The following WWOX variants were observed in gnomAD, a reference collection of about 807,000 sequenced individuals.
WWOX encodes the protein WW domain-containing oxidoreductase.
In WWOX, 69 loss-of-function variants were observed where a neutral mutation model predicts 46.2. The observed-to-expected ratio is 1.49, with a 90% CI of 1.23 to 1.82. WWOX has a LOEUF of 1.82. Ranked by LOEUF, WWOX falls within the 40% of genes most tolerant of loss-of-function variation. The pLI is 0.00. For missense variants in WWOX, 919 were observed against 542.6 expected, an observed-to-expected ratio of 1.69 and a Z score of -6.89; for synonymous variants, 359 against 202.6, an observed-to-expected ratio of 1.77 and a Z score of -6.56.
chr16:78,688,857 A>G (rs966875869), intron 8 of WWOX, among the ~76,000 whole-genome samples: 1 of 152,134 alleles, frequency 6.6e-6, no homozygotes, highest in Non-Finnish European at 1.5e-5. Flanking sequence ...AGTTACCCCC[A>G]TGATGTTTTC....
intron 8 of WWOX, among the ~76,000 whole-genome samples, chr16:78,473,744 T>G (rs1424269105): frequency 6.6e-6 from 1 of 152,146 alleles, no homozygotes; most frequent in Non-Finnish European, 1.5e-5. Flanking sequence ...CTTTGCAAGG[T>G]AAGCTGTCAG....
chr16:79,174,555 G>A (rs551812822), intron 8 of WWOX, among the ~76,000 whole-genome samples: 12 of 152,320 alleles, frequency 7.9e-5, no homozygotes, highest in African/African-American at 2.9e-4. Context: ...GCCTGAGGCA[G>A]GAAAATCACT....
intron 5 of WWOX, among the ~76,000 whole-genome samples, chr16:78,295,493 C>T (rs1336250269): frequency 6.6e-6 from 1 of 152,162 alleles, no homozygotes; most frequent in Admixed American, 6.5e-5. Flanking sequence ...GGGTGGATCA[C>T]CTGAAGTCAG....
chr16:78,653,218 T>G (rs959650655), intron 8 of WWOX, among the ~76,000 whole-genome samples: 5 of 152,226 alleles, frequency 3.3e-5, no homozygotes, highest in African/African-American at 9.6e-5. Flanking sequence ...ACTAGTAATT[T>G]CCTAAGATTA....
intron 5 of WWOX, among the ~76,000 whole-genome samples, chr16:78,214,189 G>C (rs1260816729): frequency 3.3e-5 from 5 of 152,134 alleles, no homozygotes; most frequent in Non-Finnish European, 5.9e-5. Context: ...CTATCTCCCT[G>C]TCAGTGCTTT....
At chr16:78,245,768 C>G (rs1048684066) in intron 5 of WWOX, among the ~76,000 whole-genome samples, 1 of 152,182 alleles carries the variant, frequency 6.6e-6, no homozygotes, top group East Asian at 1.9e-4. Flanking sequence ...TAAGTTAGTT[C>G]TTGCGGTACA....
rs184631264 is a variant in WWOX, at chr16:78,532,830, C to A, written c.1056+100078C>A. Among the ~76,000 whole-genome samples, 1,514 of 152,254 alleles carry A rather than the reference C, an allele frequency of 9.9e-3. 14 individuals carry two copies. Among genetic ancestry groups the A allele is most frequent in the Non-Finnish European group, 0.015 (1,033 of 68,028 alleles). On this transcript the variant is annotated intron_variant, in intron 8 of 8. Coordinates refer to ENST00000566780, the MANE Select transcript of WWOX (RefSeq NM_016373.4). Reference sequence around the variant, plus strand: ...ATGATTCAGTTACCTCCCACCTGGTCCCTCCTGCAACATGTGGGAATTCAA... The same window carrying A: ...ATGATTCAGTTACCTCCCACCTGGTACCTCCTGCAACATGTGGGAATTCAA...
intron 8 of WWOX, among the ~76,000 whole-genome samples, chr16:78,911,143 G>A (rs902306826): frequency 6.6e-6 from 1 of 151,902 alleles, no homozygotes; most frequent in Non-Finnish European, 1.5e-5. Flanking sequence ...TGTCTTCCTA[G>A]GCCCTTGTCA....
intron 8 of WWOX, among the ~76,000 whole-genome samples, chr16:78,677,810 C>T (rs13338652): frequency 6.6e-6 from 1 of 152,178 alleles, no homozygotes; most frequent in South Asian, 2.1e-4. Context: ...TCAGTGACAT[C>T]ACATTGTATT....
At chr16:78,840,022 T>C (rs2052096123) in intron 8 of WWOX, among the ~76,000 whole-genome samples, 1 of 152,174 alleles carries the variant, frequency 6.6e-6, no homozygotes, top group Admixed American at 6.5e-5. Context: ...TCTTCGTCTT[T>C]GAGTAGAGTT....
At chr16:78,244,056 G>C (rs527839430) in intron 5 of WWOX, among the ~76,000 whole-genome samples, 24 of 152,306 alleles carry the variant, frequency 1.6e-4, no homozygotes, top group African/African-American at 5.3e-4. Context: ...GTGGTGGAAG[G>C]TGTCCAAGGT....
At chr16:79,123,010 T>G (rs2049671874) in intron 8 of WWOX, among the ~76,000 whole-genome samples, 1 of 152,192 alleles carries the variant, frequency 6.6e-6, no homozygotes, top group African/African-American at 2.4e-5. Context: ...TCTTCTCTCT[T>G]GAACAATGTG....
Position 78,384,356 on chromosome 16 carries a change from G to T in WWOX, c.517-2504G>T, listed in dbSNP as rs1164193440. 7.9e-5 allele frequency among the ~76,000 whole-genome samples: 12 copies of T among 152,298 alleles called. No individual in the cohort carries two copies. In the East Asian group the frequency reaches 2.3e-3, roughly 29 times the overall value. ...AGGATGAAAGGTCACTTTGTTTGCT[G>T]ACTCTGAATGTCAGGTAGTTGTGTT... is the stretch of plus-strand genomic sequence containing the variant. On this transcript the variant is annotated intron_variant, in intron 5 of 8. Transcript: ENST00000566780.
At chr16:79,023,560 A>C (rs1418196933) in intron 8 of WWOX, among the ~76,000 whole-genome samples, 2 of 152,168 alleles carry the variant, frequency 1.3e-5, no homozygotes, top group Non-Finnish European at 2.9e-5. Context: ...GTGACCATCC[A>C]CCACAGGCAA....
At chr16:78,720,575 G>C (rs370333001) in intron 8 of WWOX, among the ~76,000 whole-genome samples, 2 of 151,664 alleles carry the variant, frequency 1.3e-5, no homozygotes, top group Non-Finnish European at 2.9e-5. Flanking sequence ...GACAGAGCCA[G>C]ATGTTCAGGA....
At chr16:78,933,229 AG>A (rs1408065875) in intron 8 of WWOX, among the ~76,000 whole-genome samples, 2 of 152,234 alleles carry the variant, frequency 1.3e-5, no homozygotes. Context: ...ACCTAAGGTC[AG>A]GAGTTCGAGA....
At chr16:79,208,159 A>G (rs934877356) in intron 8 of WWOX, among the ~76,000 whole-genome samples, 1 of 152,194 alleles carries the variant, frequency 6.6e-6, no homozygotes, top group African/African-American at 2.4e-5. Context: ...TACTCTCAAG[A>G]TTGATTGCAC....
chr16:78,416,882 C>G (rs904214732), intron 6 of WWOX, among the ~76,000 whole-genome samples: 3 of 152,182 alleles, frequency 2.0e-5, no homozygotes, highest in African/African-American at 7.2e-5. Context: ...GGGGAGGACA[C>G]AGATTCACAG....
At chr16:79,052,195 C>T (rs1169846465) in intron 8 of WWOX, among the ~76,000 whole-genome samples, 3 of 151,542 alleles carry the variant, frequency 2.0e-5, no homozygotes, top group South Asian at 4.2e-4. Flanking sequence ...CCCCTTCCCC[C>T]CACCCCACCA....
Sources: allele counts gnomAD v4.1 joint callset (sites outside exome capture counted in the v4.1 genomes callset), GRCh38; gene constraint gnomAD v4.1.1; transcripts MANE v1.5; gene names NCBI Gene and HGNC (gene_info 2026-07-23, HGNC 2026-07-21).